ZDHHC17: variants seen among roughly 807,000 people sequenced by gnomAD.
ZDHHC17 encodes palmitoyltransferase ZDHHC17.
ZDHHC17 carries 40 observed loss-of-function variants against 90.3 expected under a neutral mutation model. The ratio of observed to expected loss-of-function variants is 0.44; its 90% CI spans 0.34 to 0.58. The LOEUF (loss-of-function observed/expected upper bound fraction) is 0.58. ZDHHC17 is among the 20% of genes least tolerant of loss of function. ZDHHC17 has a pLI of 0.01. For missense variants in ZDHHC17, 614 were observed against 780.8 expected (o/e 0.79, Z 2.55); for synonymous variants, 235 against 252.4 (o/e 0.93, Z 0.65).
rs1952402117 is a variant in ZDHHC17, at chr12:76,764,328, A to C, written c.92A>C (p.Glu31Ala). ...EAGCVPLLHP[E>A]EIKPQSHYNH... ...GGCTGTGTGCCCCTTCTCCACCCAG[A>C]GGTGAGGAACCGTGCTGAGTGGATT... The change falls in exon 1 of 17, where the codon GAG becomes GCG. Residue 31 changes from glutamate (E) to alanine (A), a missense_variant and splice_region_variant. Transcript: ENST00000426126. 2 of 1,596,504 alleles carry C rather than the reference A, an allele frequency of 1.3e-6. No homozygotes were observed. The highest frequency in any genetic ancestry group is 1.7e-6 in the Non-Finnish European group (2 of 1,171,312).
intron 3 of ZDHHC17, among the ~76,000 whole-genome samples, chr12:76,807,018 A>T (rs370612399): frequency 2.0e-5 from 3 of 152,232 alleles, no homozygotes; most frequent in East Asian, 1.9e-4. Flanking sequence ...CTCTTGGCAA[A>T]TGCAGAATGG....
At chr12:76,826,280 T>G (rs1315794233) in intron 8 of ZDHHC17, among the ~76,000 whole-genome samples, 1 of 152,202 alleles carries the variant, frequency 6.6e-6, no homozygotes, top group Non-Finnish European at 1.5e-5. Context: ...ATGTAGGTTT[T>G]ATACTTACAA....
chr12:76,821,974 T>G (rs767181848), intron 7 of ZDHHC17, among the ~76,000 whole-genome samples: 5 of 152,184 alleles, frequency 3.3e-5, no homozygotes, highest in Non-Finnish European at 7.4e-5. Flanking sequence ...TTTCCTATTC[T>G]CTTCTGAAGA....
At chr12:76,820,588 A>G (rs780616008) in intron 7 of ZDHHC17, among the ~76,000 whole-genome samples, 1 of 152,182 alleles carries the variant, frequency 6.6e-6, no homozygotes, top group African/African-American at 2.4e-5. Context: ...AGCTCTGTTC[A>G]TTAATGTATT....
At chr12:76,801,174 C>T (rs1248472570) in intron 2 of ZDHHC17, among the ~76,000 whole-genome samples, 1 of 151,322 alleles carries the variant, frequency 6.6e-6, no homozygotes, top group Non-Finnish European at 1.5e-5. Flanking sequence ...GCGAGAGCCA[C>T]CGCACCTGGC....
chr12:76,785,123 T>C (rs1952670399), intron 1 of ZDHHC17, among the ~76,000 whole-genome samples: 1 of 152,242 alleles, frequency 6.6e-6, no homozygotes, highest in South Asian at 2.1e-4. Context: ...CTTACAGTTC[T>C]GAATTGGCTC....
chr12:76,798,086 C>G (rs755699404), intron 2 of ZDHHC17, among the ~76,000 whole-genome samples: 1 of 152,036 alleles, frequency 6.6e-6, no homozygotes, highest in Non-Finnish European at 1.5e-5. Context: ...ATTAAGGTTA[C>G]TTATGGTGAG....
Position 76,790,259 on chromosome 12 carries a change from T to G in ZDHHC17, c.94-7175T>G, listed in dbSNP as rs139186725. Among the ~76,000 whole-genome samples the G allele has an allele frequency of 3.2e-3, 490 of 152,264 alleles. 1 individual carries two copies. The highest frequency in any genetic ancestry group is 0.011 in the African/African-American group (467 of 41,560). On this transcript the variant is annotated intron_variant, in intron 1 of 16. Transcript: ENST00000426126. ...GAGCACACCTGTAATCCCATCACTT[T>G]GGGAGGCCGAGGTGGGTGGATCACT...
intron 3 of ZDHHC17, among the ~76,000 whole-genome samples, chr12:76,806,017 G>A (rs1952949751): frequency 6.6e-6 from 1 of 152,184 alleles, no homozygotes; most frequent in South Asian, 2.1e-4. Flanking sequence ...AGATAATCAA[G>A]AGTCAGGATG....
Position 76,815,140 on chromosome 12 carries a change from TA to T in ZDHHC17, c.544-5del. 1 of 1,541,932 alleles carries T rather than the reference TA, an allele frequency of 6.5e-7. No individual in the cohort carries two copies. The highest frequency in any genetic ancestry group is 8.8e-7 in the Non-Finnish European group (1 of 1,141,504). ...TGTCTGACTTTTTTTCTTTTTACTT[TA>T]TCAGGATGTAGATATGATGGATCAG... is the stretch of plus-strand genomic sequence containing the variant. On this transcript the variant is annotated splice_polypyrimidine_tract_variant and splice_region_variant and intron_variant, in intron 5 of 16. Coordinates refer to ENST00000426126, the MANE Select transcript of ZDHHC17 (RefSeq NM_015336.4).
intron 1 of ZDHHC17, among the ~76,000 whole-genome samples, chr12:76,779,794 T>G (rs966487234): frequency 1.3e-5 from 2 of 152,214 alleles, no homozygotes; most frequent in Non-Finnish European, 2.9e-5. Flanking sequence ...AGTTTATAAT[T>G]TTACCTTTAA....
rs1953584620 is a variant in ZDHHC17 at position 76,853,155 on chromosome 12, A to G, written c.*2170A>G. On this transcript the variant is annotated 3_prime_UTR_variant, in exon 17 of 17. Coordinates refer to ENST00000426126, the MANE Select transcript of ZDHHC17 (RefSeq NM_015336.4). ...GACAAACCTCTAGATGTGTAATTAC[A>G]TGGAAAATACTAGCAATGTGAATGC... is the stretch of plus-strand genomic sequence containing the variant. 6.6e-6 allele frequency: 1 copy of G among 152,224 alleles called. No individual in the cohort carries two copies. Among genetic ancestry groups the G allele is most frequent in the Admixed American group, 6.5e-5 (1 of 15,284 alleles). 9.4% of individuals were successfully genotyped at this position (152,224 alleles called of 1,614,324 possible).
chr12:76,786,699 AGC>A (rs1030372516), intron 1 of ZDHHC17, among the ~76,000 whole-genome samples: 71 of 152,316 alleles, frequency 4.7e-4, no homozygotes, highest in African/African-American at 1.7e-3. Context: ...GAATTTTTCT[AGC>A]TTGGACATTT....
chr12:76,792,328 A>G (rs1565772104), intron 1 of ZDHHC17, among the ~76,000 whole-genome samples: 1 of 152,178 alleles, frequency 6.6e-6, no homozygotes, highest in Non-Finnish European at 1.5e-5. Context: ...TTATACCACA[A>G]TAGGTCTAGC....
chr12:76,816,681 T>A (rs1430413325), intron 7 of ZDHHC17, among the ~76,000 whole-genome samples: 1 of 151,990 alleles, frequency 6.6e-6, no homozygotes, highest in Non-Finnish European at 1.5e-5. Context: ...AAGTAGGTTA[T>A]CTCCTGCTGG....
chr12:76,835,814 G>T (rs1240862921), intron 10 of ZDHHC17, among the ~76,000 whole-genome samples: 1 of 151,948 alleles, frequency 6.6e-6, no homozygotes, highest in Non-Finnish European at 1.5e-5. Context: ...TGACTTTAAA[G>T]GGTATCATCT....
intron 12 of ZDHHC17, chr12:76,844,915 G>A (rs1421016173): frequency 6.6e-6 from 1 of 152,126 alleles, no homozygotes; most frequent in Non-Finnish European, 1.5e-5. Flanking sequence ...TCACCAATGA[G>A]TTCTTGTATT....
At chr12:76,821,174 T>G in intron 7 of ZDHHC17, 3 of 1,257,176 alleles carry the variant, frequency 2.4e-6, no homozygotes, top group Non-Finnish European at 3.1e-6. Flanking sequence ...TCAGGTAATC[T>G]TTATAGTTTG....
At chr12:76,793,016 T>G (rs1952778039) in intron 1 of ZDHHC17, among the ~76,000 whole-genome samples, 1 of 152,216 alleles carries the variant, frequency 6.6e-6, no homozygotes, top group South Asian at 2.1e-4. Flanking sequence ...CCTAGCTAGC[T>G]ATGGCTGATC....
Sources: gnomAD v4.1 joint callset for allele counts (sites outside exome capture counted in the v4.1 genomes callset) on GRCh38, gnomAD v4.1.1 for gene constraint, MANE v1.5 for transcripts, NCBI Gene and HGNC (gene_info 2026-07-23, HGNC 2026-07-21) for gene names.